The following MYRFL variants were observed in gnomAD, a reference collection of about 807,000 sequenced individuals.
MYRFL encodes myelin regulatory factor like.
In MYRFL, 88 loss-of-function variants were observed where a neutral mutation model predicts 109.4. That is an observed-to-expected ratio of 0.80 (90% CI 0.68 to 0.96). The LOEUF is 0.96. Ranked by LOEUF, MYRFL falls within the 40% of genes least tolerant of loss-of-function variation. The probability of loss-of-function intolerance (pLI) is 0.00; values close to 1 mark genes in which losing one functional copy is unlikely to be tolerated. For missense variants in MYRFL, 957 were observed against 954.9 expected (o/e 1.00, Z -0.03); for synonymous variants, 324 against 320.9 (o/e 1.01, Z -0.10).
intron 1 of MYRFL, among the ~76,000 whole-genome samples, chr12:69,839,032 TA>T (rs991944347): frequency 1.3e-5 from 2 of 152,328 alleles, no homozygotes; most frequent in African/African-American, 4.8e-5. Context: ...GAGTGATTCC[TA>T]AGTTTGTGAA....
At chr12:69,910,129 T>A in intron 12 of MYRFL, 52 bp downstream of exon 12, 1 of 1,194,052 alleles carries the variant, frequency 8.4e-7, no homozygotes, top group Non-Finnish European at 1.2e-6. Flanking sequence ...ATTAAAATTT[T>A]AATTACCTCT....
At chr12:69,958,182 C>T (rs760604239) in intron 23 of MYRFL, 67 bp from the exon 24 acceptor site, 4 of 1,355,502 alleles carry the variant, frequency 3.0e-6, no homozygotes, top group Non-Finnish European at 4.0e-6. Context: ...GCTTTTTCAG[C>T]CTGTACTCTT....
intron 1 of MYRFL, among the ~76,000 whole-genome samples, chr12:69,836,021 CG>C (rs1203759324): frequency 6.6e-6 from 1 of 152,156 alleles, no homozygotes; most frequent in Non-Finnish European, 1.5e-5. Flanking sequence ...CTTGGTGTAC[CG>C]GAAGAATCGG....
intron 1 of MYRFL, among the ~76,000 whole-genome samples, chr12:69,853,581 A>C (rs986842106): frequency 2.8e-4 from 41 of 148,070 alleles, no homozygotes; most frequent in African/African-American, 1.0e-3. Context: ...GACGCTCCTC[A>C]CTTCCCAGAC....
intron 10 of MYRFL, among the ~76,000 whole-genome samples, chr12:69,902,222 A>G (rs535487710): frequency 7.3e-4 from 111 of 152,300 alleles, no homozygotes; most frequent in African/African-American, 2.3e-3. Flanking sequence ...TTTATCAAGT[A>G]TCAATGGTTG....
At chr12:69,907,166 G>A (rs150150292) in intron 11 of MYRFL, among the ~76,000 whole-genome samples, 23 of 152,286 alleles carry the variant, frequency 1.5e-4, no homozygotes, top group African/African-American at 5.5e-4. Context: ...TTTATATTTA[G>A]CTTTGGGAAG....
intron 2 of MYRFL, among the ~76,000 whole-genome samples, chr12:69,855,927 G>A (rs932170655): frequency 6.6e-6 from 1 of 151,736 alleles, no homozygotes; most frequent in Non-Finnish European, 1.5e-5. Flanking sequence ...TATTAATATA[G>A]GCACTCTGGC....
chr12:69,878,885 C>T (rs1028105712), intron 2 of MYRFL, 143 bp from the exon 3 acceptor site: 2 of 651,240 alleles, frequency 3.1e-6, no homozygotes, highest in Non-Finnish European at 5.6e-6. Context: ...TGGGGTCTCA[C>T]TTCCCAAACC....
At position 69,879,359 on chromosome 12, in the gene MYRFL, G is replaced by A. The variant is rs566639800; in HGVS notation, c.370G>A (p.Ala124Thr). The change falls in exon 4 of 25, where the codon GCC (alanine) becomes ACC (threonine). Residue 124 changes from alanine to threonine, a missense_variant. Physicochemically the swap from Ala to Thr is moderately conservative, Grantham distance 58 (BLOSUM62 0). Transcript: ENST00000552032. ...HGGFHSCHSN[A>T]SHLATPLDQS... The stretch of plus-strand genomic sequence containing the variant: ...AGGCTTTCACAGCTGCCACTCAAAC[G>A]CCAGTCATCTTGCCACCCCCCTGGA... 5.7e-6 allele frequency: 4 copies of A among 702,878 alleles called. No individual in the cohort carries two copies. The highest frequency in any genetic ancestry group is 5.4e-5 in the East Asian group (2 of 37,286). 43.5% of individuals were successfully genotyped at this position (702,878 alleles called of 1,614,324 possible). A position where few individuals can be genotyped will look rare whatever the true frequency, so the allele number is the denominator to read the frequency against.
intron 2 of MYRFL, among the ~76,000 whole-genome samples, chr12:69,858,628 C>T (rs966856588): frequency 3.9e-5 from 6 of 151,906 alleles, no homozygotes; most frequent in African/African-American, 1.4e-4. Flanking sequence ...AATTTATGGC[C>T]ATAGAGTTAT....
chr12:69,886,700 A>G (rs1886474090), intron 5 of MYRFL, 120 bp from the exon 6 acceptor site: 4 of 1,230,872 alleles, frequency 3.2e-6, no homozygotes, highest in Non-Finnish European at 4.5e-6. Context: ...CCCCCAGCAC[A>G]TGACACTTCC....
At chr12:69,830,103 A>G (rs555441160) in intron 1 of MYRFL, among the ~76,000 whole-genome samples, 1 of 152,234 alleles carries the variant, frequency 6.6e-6, no homozygotes, top group East Asian at 1.9e-4. Flanking sequence ...ACACCTCTGT[A>G]GAGTCTTGTA....
At chr12:69,938,859 G>C (rs1566040995) in intron 19 of MYRFL, among the ~76,000 whole-genome samples, 2 of 152,104 alleles carry the variant, frequency 1.3e-5, no homozygotes, top group Non-Finnish European at 2.9e-5. Flanking sequence ...GCCGAAGCAG[G>C]GCGAGGCATT....
At chr12:69,955,320 C>G (rs374227532) in intron 21 of MYRFL, 43 bp from the exon 22 acceptor site, 11 of 602,052 alleles carry the variant, frequency 1.8e-5, no homozygotes, top group East Asian at 1.2e-4. Context: ...GAAGACTTTC[C>G]TGCATATTTT....
chr12:69,941,395 CA>C (rs768323498), intron 19 of MYRFL, among the ~76,000 whole-genome samples: 1,843 of 53,118 alleles, frequency 0.035, 27 homozygotes, highest in Non-Finnish European at 0.046. Context: ...CAAAACCGCT[CA>C]ACTACATGGA....
At chr12:69,910,633 C>CAA (rs5798959) in intron 12 of MYRFL, among the ~76,000 whole-genome samples, 188 bp from the exon 13 acceptor site, 16 of 125,436 alleles carry the variant, frequency 1.3e-4, no homozygotes, top group South Asian at 5.4e-4. Flanking sequence ...CCCAGAGTCT[C>CAA]AAAAAAAAAA....
At chr12:69,832,517 AAG>A (rs1882692047) in intron 1 of MYRFL, among the ~76,000 whole-genome samples, 1 of 152,202 alleles carries the variant, frequency 6.6e-6, no homozygotes, top group South Asian at 2.1e-4. Context: ...GAGTCTGATG[AAG>A]AGAGAGTTAC....
At chr12:69,849,514 A>T (rs1488118567) in intron 1 of MYRFL, among the ~76,000 whole-genome samples, 1 of 152,202 alleles carries the variant, frequency 6.6e-6, no homozygotes, top group Non-Finnish European at 1.5e-5. Context: ...TCATGAAAAT[A>T]CTTTGGATAC....
intron 1 of MYRFL, among the ~76,000 whole-genome samples, chr12:69,838,676 G>A (rs1883083830): frequency 6.6e-6 from 1 of 152,146 alleles, no homozygotes; most frequent in Non-Finnish European, 1.5e-5. Context: ...TAACATAAAA[G>A]TTTAATCCTC....
Sources: allele counts gnomAD v4.1 joint callset (sites outside exome capture counted in the v4.1 genomes callset), GRCh38; gene constraint gnomAD v4.1.1; transcripts MANE v1.5; gene names NCBI Gene and HGNC (gene_info 2026-07-23, HGNC 2026-07-21).